CHID1: variants seen among roughly 807,000 people sequenced by gnomAD.
The protein encoded by CHID1 is chitinase domain containing 1, also known as chitinase domain-containing protein 1.
Under a neutral mutation model 55.4 loss-of-function variants are expected in CHID1, and 44 were observed. The observed-to-expected ratio is 0.79, with a 90% CI of 0.62 to 1.02. CHID1 has a LOEUF of 1.02. Among genes scored for constraint, CHID1 ranks in the 50% least tolerant of loss-of-function variants. The probability of loss-of-function intolerance (pLI) is 0.00; values close to 1 mark genes in which losing one functional copy is unlikely to be tolerated. For missense variants in CHID1, 491 were observed against 515.3 expected (o/e 0.95, Z 0.46); for synonymous variants, 216 against 212.9 (o/e 1.01, Z -0.13).
intron 1 of CHID1, chr11:908,505 G>A (rs968432674): frequency 1.0e-5 from 9 of 889,378 alleles, no homozygotes; most frequent in Non-Finnish European, 1.2e-5. Context: ...GGAGGGTTCT[G>A]GCCATGGCAC....
In CHID1 at chr11:883,137, C is replaced by T. The variant is rs377062052; in HGVS notation, c.959+11G>A. ...ACACCTTCAGCACGGCAGGGAGAGC[C>T]CTTGGCTCACCTGGCCCCGACAACA... On this transcript the variant is annotated intron_variant, in intron 10 of 12. Transcript: ENST00000323578. The T allele has an allele frequency of 3.1e-6, 5 of 1,606,884 alleles. No individual in the cohort carries two copies. The highest frequency in any genetic ancestry group is 3.4e-6 in the Non-Finnish European group (4 of 1,174,334).
chr11:894,854 T>C (rs940863661), intron 7 of CHID1, among the ~76,000 whole-genome samples: 4 of 152,164 alleles, frequency 2.6e-5, no homozygotes, highest in Non-Finnish European at 5.9e-5. Flanking sequence ...TGGCAGCTCC[T>C]GTTTCCCTGA....
intron 8 of CHID1, among the ~76,000 whole-genome samples, chr11:888,033 AGGG>A (rs1345183621): frequency 6.6e-6 from 1 of 152,236 alleles, no homozygotes; most frequent in Non-Finnish European, 1.5e-5. Context: ...CAGTCCTGCC[AGGG>A]GACATGGCTC....
Position 869,760 on chromosome 11 carries a change from C to A in CHID1, c.*98G>T. 1 of 1,085,088 alleles carries A rather than the reference C, an allele frequency of 9.2e-7. No homozygotes were observed. The highest frequency in any genetic ancestry group is 2.4e-5 in the East Asian group (1 of 42,158). 67.2% of individuals were successfully genotyped at this position (1,085,088 alleles called of 1,614,324 possible). A position where few individuals can be genotyped will look rare whatever the true frequency, so the allele number is the denominator to read the frequency against. Reference sequence around the variant, plus strand: ...CCCCGACTGAGGACTGCAGCAGACCCGTCACAGCAAACGGAGTGGAGGCCT... The same window carrying A: ...CCCCGACTGAGGACTGCAGCAGACCAGTCACAGCAAACGGAGTGGAGGCCT... On this transcript the variant is annotated 3_prime_UTR_variant, in exon 13 of 13. Transcript: ENST00000323578.
At chr11:895,789 G>A (rs1851227295) in intron 7 of CHID1, among the ~76,000 whole-genome samples, 1 of 152,120 alleles carries the variant, frequency 6.6e-6, no homozygotes, top group African/African-American at 2.4e-5. Context: ...CTGTGCTGAG[G>A]CAGCTCCCAG....
chr11:869,637 G>C lies in CHID1; in HGVS notation c.*221C>G. Reference sequence around the variant, plus strand: ...CAGGAGGCAGCCAGCGGATGCCCGGGTGGGAGGGGCTCGAGCTCTCAGGGT... The same window carrying C: ...CAGGAGGCAGCCAGCGGATGCCCGGCTGGGAGGGGCTCGAGCTCTCAGGGT... On this transcript the variant is annotated 3_prime_UTR_variant, in exon 13 of 13. Transcript: ENST00000323578. 1 of 588,770 alleles carries C rather than the reference G, an allele frequency of 1.7e-6. No homozygotes were observed. The highest frequency in any genetic ancestry group is 1.9e-5 in the African/African-American group (1 of 53,714). The allele number at this position is 588,770 out of a possible 1,614,324, so 36.5% of individuals were successfully genotyped here.
At chr11:896,046 G>A (rs976912823) in intron 7 of CHID1, among the ~76,000 whole-genome samples, 10 of 151,648 alleles carry the variant, frequency 6.6e-5, no homozygotes, top group Non-Finnish European at 1.2e-4. Context: ...TTAATGACCC[G>A]TCGAGCCCTG....
intron 2 of CHID1, among the ~76,000 whole-genome samples, chr11:904,248 C>G (rs1179567424): frequency 1.3e-5 from 2 of 152,242 alleles, no homozygotes; most frequent in Non-Finnish European, 2.9e-5. Context: ...TGGCCAGCGG[C>G]ATGGGGACTG....
chr11:878,915 G>T (rs1849701183), intron 10 of CHID1, among the ~76,000 whole-genome samples: 1 of 151,608 alleles, frequency 6.6e-6, no homozygotes, highest in Non-Finnish European at 1.5e-5. Flanking sequence ...GGTGCGATCT[G>T]GGCTCACTGC....
At chr11:896,882 C>T (rs1252108302) in intron 7 of CHID1, among the ~76,000 whole-genome samples, 3 of 98,578 alleles carry the variant, frequency 3.0e-5, no homozygotes, top group Admixed American at 1.0e-4. Context: ...ACCCCAGACA[C>T]GAGCCTGTCT....
At chr11:893,233 C>T (rs549392785) in intron 8 of CHID1, among the ~76,000 whole-genome samples, 194 bp downstream of exon 8, 2 of 152,330 alleles carry the variant, frequency 1.3e-5, no homozygotes, top group Admixed American at 1.3e-4. Flanking sequence ...CTGGGACTCA[C>T]GTGCTGACTT....
At chr11:899,656 G>A (rs939140763) in intron 6 of CHID1, among the ~76,000 whole-genome samples, 2 of 152,190 alleles carry the variant, frequency 1.3e-5, no homozygotes, top group Non-Finnish European at 1.5e-5. Flanking sequence ...ACCCCACCCC[G>A]GGGGTCTGGG....
At chr11:872,539 G>A (rs910705967) in intron 10 of CHID1, among the ~76,000 whole-genome samples, 2 of 152,222 alleles carry the variant, frequency 1.3e-5, no homozygotes, top group African/African-American at 2.4e-5. Context: ...CTGGACCCCT[G>A]CCCTCCTGTG....
rs1026316405 is a variant in CHID1, at chr11:873,194, G to A, written c.960-2695C>T. The stretch of plus-strand genomic sequence containing the variant: ...AGGTGGGGCCACCCGGTATAGGGGC[G>A]GGGCTGAGTGAGGACGGGCAGCTGC... On this transcript the variant is annotated intron_variant, in intron 10 of 12. Transcript: ENST00000323578. Among the ~76,000 whole-genome samples, 8 of 152,154 alleles carry A rather than the reference G, an allele frequency of 5.3e-5. No homozygotes were observed. The East Asian group carries it at 7.7e-4, about 15-fold the overall frequency.
chr11:902,760 G>A (rs1351421214), intron 3 of CHID1, among the ~76,000 whole-genome samples: 1 of 152,170 alleles, frequency 6.6e-6, no homozygotes, highest in African/African-American at 2.4e-5. Flanking sequence ...AGCACAGCAA[G>A]CCCCTGGAGA....
intron 7 of CHID1, among the ~76,000 whole-genome samples, chr11:894,887 T>C (rs1034661227): frequency 6.6e-6 from 1 of 152,176 alleles, no homozygotes; most frequent in Non-Finnish European, 1.5e-5. Context: ...GGGACTGTCA[T>C]TTTCCAAGCC....
At position 902,290 on chromosome 11, in the gene CHID1, C is replaced by T. The variant is rs1851878403; in HGVS notation, c.302G>A (p.Ser101Asn). Residue 101 changes from serine to asparagine, a missense_variant, in exon 4 of 13, where the codon AGC (serine) becomes AAC (asparagine). Physicochemically the swap from Ser to Asn is conservative, Grantham distance 46. Coordinates refer to ENST00000323578, the MANE Select transcript of CHID1 (RefSeq NM_023947.4). ...GACGGGTGAGATCTGTGTGAACTTG[C>T]TCCCAAAGACCTTGGTGACATCGTA... Reference protein sequence around the residue: ...HGYDVTKVFGSKFTQISPVWL... With the variant: ...HGYDVTKVFGNKFTQISPVWL... 6.2e-7 allele frequency: 1 copy of T among 1,613,750 alleles called. No individual in the cohort carries two copies. The highest frequency in any genetic ancestry group is 8.5e-7 in the Non-Finnish European group (1 of 1,179,844).
rs966127681 is a variant in CHID1, at chr11:868,452, C to A, written c.*1406G>T. On this transcript the variant is annotated 3_prime_UTR_variant, in exon 13 of 13. Coordinates refer to ENST00000323578, the MANE Select transcript of CHID1 (RefSeq NM_023947.4). ...GACGGGGTTTCACCATGTTGCCCAG[C>A]GTTCCTCCCGCCACGGCTTTCCAAA... 1 of 152,052 alleles carries A rather than the reference C, an allele frequency of 6.6e-6. No homozygotes were observed. The highest frequency in any genetic ancestry group is 2.4e-5 in the African/African-American group (1 of 41,388). The allele number at this position is 152,052 out of a possible 1,614,324, so 9.4% of individuals were successfully genotyped here. A position where few individuals can be genotyped will look rare whatever the true frequency, so the allele number is the denominator to read the frequency against.
intron 1 of CHID1, among the ~76,000 whole-genome samples, chr11:909,289 T>C (rs935697277): frequency 1.3e-5 from 2 of 152,160 alleles, no homozygotes; most frequent in African/African-American, 4.8e-5. Context: ...CATCAAACCG[T>C]TTCTTCCCCA....
Sources: gnomAD v4.1 joint callset for allele counts (sites outside exome capture counted in the v4.1 genomes callset) on GRCh38, gnomAD v4.1.1 for gene constraint, MANE v1.5 for transcripts, NCBI Gene and HGNC (gene_info 2026-07-23, HGNC 2026-07-21) for gene names.